Variants in TSPAN12 observed in about 807,000 individuals in gnomAD.
TSPAN12 encodes the protein tetraspanin 12.
A neutral mutation model predicts 39.2 loss-of-function variants in TSPAN12; 19 were observed. That is an observed-to-expected ratio of 0.49 (90% CI 0.34 to 0.71). The LOEUF (loss-of-function observed/expected upper bound fraction) is 0.71. Among genes scored for constraint, TSPAN12 ranks in the 30% least tolerant of loss-of-function variants. TSPAN12 has a pLI of 0.01. For missense variants in TSPAN12, 314 were observed against 359.9 expected (o/e 0.87, Z 1.03); for synonymous variants, 119 against 124.8 (o/e 0.95, Z 0.31).
intron 2 of TSPAN12, among the ~76,000 whole-genome samples, chr7:120,854,643 T>C (rs1050840072): frequency 2.9e-4 from 44 of 152,302 alleles, no homozygotes; most frequent in African/African-American, 9.4e-4. Context: ...TATCACATAC[T>C]TTTTTACATA....
chr7:120,794,105 TTC>T (rs1376460416), intron 7 of TSPAN12, among the ~76,000 whole-genome samples: 1 of 152,252 alleles, frequency 6.6e-6, no homozygotes, highest in Non-Finnish European at 1.5e-5. Flanking sequence ...GACTTTCCAA[TTC>T]TGTTTATATT....
intron 7 of TSPAN12, among the ~76,000 whole-genome samples, chr7:120,794,471 C>G (rs1382849752): frequency 6.6e-6 from 1 of 152,090 alleles, no homozygotes; most frequent in Non-Finnish European, 1.5e-5. Context: ...AAGTGTGTAG[C>G]ACCACCCCCC....
At chr7:120,835,806 C>T (rs905069570) in intron 4 of TSPAN12, among the ~76,000 whole-genome samples, 4 of 152,192 alleles carry the variant, frequency 2.6e-5, no homozygotes, top group Admixed American at 6.5e-5. Flanking sequence ...GATAAGTCTT[C>T]ATGGGCTAGT....
intron 7 of TSPAN12, among the ~76,000 whole-genome samples, chr7:120,804,948 T>C (rs1413328957): frequency 6.6e-6 from 1 of 151,944 alleles, no homozygotes; most frequent in Non-Finnish European, 1.5e-5. Flanking sequence ...AAGCATGAAA[T>C]AGATTTCTCC....
chr7:120,856,096 A>G (rs944070267), intron 2 of TSPAN12, among the ~76,000 whole-genome samples: 1 of 152,192 alleles, frequency 6.6e-6, no homozygotes, highest in Non-Finnish European at 1.5e-5. Flanking sequence ...ATTTCCTTAA[A>G]TGGTTATGGG....
Position 120,817,591 on chromosome 7 carries a change from G to A in TSPAN12, c.286-1788C>T, listed in dbSNP as rs564246233. ...AATTAACACAAACAGCAGATAATGTGACTTCCACAAGAATGTGCATAATGA... is the reference window on the plus strand; with the variant it reads ...AATTAACACAAACAGCAGATAATGTAACTTCCACAAGAATGTGCATAATGA... On this transcript the variant is annotated intron_variant, in intron 4 of 7. Transcript: ENST00000222747. Among the ~76,000 whole-genome samples the A allele has an allele frequency of 2.6e-5, 4 of 152,242 alleles. No homozygotes were observed. The East Asian group carries it at 7.7e-4, about 29-fold the overall frequency.
intron 2 of TSPAN12, among the ~76,000 whole-genome samples, chr7:120,848,506 T>A (rs1322854269): frequency 1.3e-5 from 2 of 152,210 alleles, no homozygotes; most frequent in Admixed American, 1.3e-4. Flanking sequence ...TTTCTATCAC[T>A]GGAAGTTTTC....
chr7:120,800,691 A>G (rs1388539955), intron 7 of TSPAN12, among the ~76,000 whole-genome samples: 11 of 150,632 alleles, frequency 7.3e-5, no homozygotes. Flanking sequence ...ACCACACTGC[A>G]GTGGCCTTAT....
At chr7:120,833,410 C>CA (rs2116445466) in intron 4 of TSPAN12, among the ~76,000 whole-genome samples, 1 of 149,604 alleles carries the variant, frequency 6.7e-6, no homozygotes, top group African/African-American at 2.5e-5. Flanking sequence ...AACAAACAAA[C>CA]AAACAAAAAA....
chr7:120,840,159 A>G, intron 2 of TSPAN12, 50 bp from the exon 3 acceptor site: 2 of 1,301,116 alleles, frequency 1.5e-6, no homozygotes, highest in South Asian at 1.2e-5. Flanking sequence ...CGTAACATTC[A>G]CTGCAGGATT....
chr7:120,822,414 A>T (rs1794205089), intron 4 of TSPAN12, among the ~76,000 whole-genome samples: 1 of 152,046 alleles, frequency 6.6e-6, no homozygotes, highest in Admixed American at 6.6e-5. Context: ...AACTTCACTA[A>T]AACAATAGTA....
intron 7 of TSPAN12, among the ~76,000 whole-genome samples, chr7:120,796,361 A>G (rs1793629927): frequency 6.6e-6 from 1 of 152,222 alleles, no homozygotes; most frequent in South Asian, 2.1e-4. Context: ...CTTCACTGTC[A>G]TTTCAAGCAA....
chr7:120,825,069 A>C (rs1411243387), intron 4 of TSPAN12, among the ~76,000 whole-genome samples: 1 of 152,166 alleles, frequency 6.6e-6, no homozygotes, highest in East Asian at 1.9e-4. Context: ...TTGTTTTCCA[A>C]ACTGTTTTTC....
At chr7:120,821,899 A>C (rs1203013672) in intron 4 of TSPAN12, among the ~76,000 whole-genome samples, 1 of 152,168 alleles carries the variant, frequency 6.6e-6, no homozygotes, top group African/African-American at 2.4e-5. Flanking sequence ...TATGACATGA[A>C]CTTTTAGTAA....
intron 7 of TSPAN12, among the ~76,000 whole-genome samples, chr7:120,806,306 A>T (rs1436819218): frequency 6.6e-6 from 1 of 152,120 alleles, no homozygotes; most frequent in Non-Finnish European, 1.5e-5. Flanking sequence ...AAAACAAAAC[A>T]GTTCAAAATC....
intron 2 of TSPAN12, among the ~76,000 whole-genome samples, chr7:120,847,269 T>G (rs1794688464): frequency 6.6e-6 from 1 of 150,898 alleles, no homozygotes; most frequent in South Asian, 2.1e-4. Flanking sequence ...AGTGAGACTC[T>G]CATATACATA....
At chr7:120,854,983 C>T (rs553728689) in intron 2 of TSPAN12, among the ~76,000 whole-genome samples, 3 of 152,072 alleles carry the variant, frequency 2.0e-5, no homozygotes, top group Non-Finnish European at 4.4e-5. Flanking sequence ...AAAGAAATAA[C>T]GTTTACATTC....
At chr7:120,805,720 G>A (rs551327406) in intron 7 of TSPAN12, among the ~76,000 whole-genome samples, 54 of 152,098 alleles carry the variant, frequency 3.6e-4, no homozygotes, top group African/African-American at 1.2e-3. Flanking sequence ...CCAGGACAGG[G>A]GCCACTAGTC....
At chr7:120,836,413 T>G (rs886514808) in intron 4 of TSPAN12, among the ~76,000 whole-genome samples, 1 of 152,162 alleles carries the variant, frequency 6.6e-6, no homozygotes, top group Non-Finnish European at 1.5e-5. Flanking sequence ...GATGTAGATG[T>G]CACCTAGGGA....
Sources: allele counts gnomAD v4.1 joint callset (sites outside exome capture counted in the v4.1 genomes callset), GRCh38; gene constraint gnomAD v4.1.1; transcripts MANE v1.5; gene names NCBI Gene and HGNC (gene_info 2026-07-23, HGNC 2026-07-21).